Variants in TMEM131L observed in about 807,000 individuals in gnomAD.
TMEM131L encodes transmembrane protein 131-like.
A neutral mutation model predicts 192.2 loss-of-function variants in TMEM131L; 54 were observed. The ratio of observed to expected loss-of-function variants is 0.28; its 90% CI spans 0.23 to 0.35. The LOEUF (loss-of-function observed/expected upper bound fraction) is 0.35. Ranked by LOEUF, TMEM131L falls within the 10% of genes least tolerant of loss-of-function variation. The pLI is 1.00. For missense variants in TMEM131L, 1,888 were observed against 1,972.9 expected (o/e 0.96, Z 0.82); for synonymous variants, 701 against 704.9 (o/e 0.99, Z 0.09).
intron 31 of TMEM131L, among the ~76,000 whole-genome samples, chr4:153,630,103 C>T: frequency 6.6e-6 from 1 of 152,168 alleles, no homozygotes; most frequent in East Asian, 1.9e-4. Flanking sequence ...TCATAAGAAG[C>T]ACAGAAACCT....
intron 7 of TMEM131L, among the ~76,000 whole-genome samples, chr4:153,566,387 A>G (rs375135240): frequency 5.9e-5 from 9 of 152,202 alleles, no homozygotes; most frequent in East Asian, 1.9e-4. Context: ...CGCCCGCCTC[A>G]GCCTCTCAAA....
At chr4:153,573,995 G>A (rs1372812574) in intron 7 of TMEM131L, among the ~76,000 whole-genome samples, 3 of 152,186 alleles carry the variant, frequency 2.0e-5, no homozygotes, top group African/African-American at 7.2e-5. Flanking sequence ...ATCTCATTTA[G>A]CACCCATCAT....
At chr4:153,506,198 AT>A (rs1477377202) in intron 3 of TMEM131L, among the ~76,000 whole-genome samples, 2 of 152,242 alleles carry the variant, frequency 1.3e-5, no homozygotes, top group Non-Finnish European at 2.9e-5. Context: ...GTAACCCAGA[AT>A]TATAAACTCT....
At chr4:153,483,581 G>T (rs1732097315) in intron 3 of TMEM131L, among the ~76,000 whole-genome samples, 1 of 152,106 alleles carries the variant, frequency 6.6e-6, no homozygotes, top group Non-Finnish European at 1.5e-5. Flanking sequence ...GCACCTATAG[G>T]CCCAGCTACT....
Position 153,603,974 on chromosome 4 carries a change from C to T in TMEM131L, c.2962C>T (p.His988Tyr), listed in dbSNP as rs1458176004. Residue 988 changes from histidine (H) to tyrosine (Y), a missense_variant, in exon 25 of 35, where the codon CAC becomes TAC. Physicochemically the swap from His to Tyr is moderately conservative, Grantham distance 83. Coordinates refer to ENST00000409959, the MANE Select transcript of TMEM131L (RefSeq NM_001131007.2). ...CAAATGCTCAGTGTATTACAGTAAA[C>T]ACAAAACCAGCACAGCTGCGGCCAG... ...KHKCSVYYSK[H>Y]KTSTAAASST... 6.2e-7 allele frequency: 1 copy of T among 1,613,914 alleles called. No homozygotes were observed. Among genetic ancestry groups the T allele is most frequent in the Non-Finnish European group, 8.5e-7 (1 of 1,180,010 alleles).
At chr4:153,568,700 A>C (rs1452480883) in intron 7 of TMEM131L, among the ~76,000 whole-genome samples, 1 of 152,236 alleles carries the variant, frequency 6.6e-6, no homozygotes, top group Non-Finnish European at 1.5e-5. Flanking sequence ...GATATGACAC[A>C]CAGACTTTCC....
intron 19 of TMEM131L, among the ~76,000 whole-genome samples, chr4:153,595,714 C>CAAA (rs554812612): frequency 3.8e-5 from 3 of 79,886 alleles, no homozygotes; most frequent in Admixed American, 1.1e-4. Context: ...AGTTTTATGC[C>CAAA]AAAAAAAAAA....
At chr4:153,499,949 T>C (rs903482864) in intron 3 of TMEM131L, among the ~76,000 whole-genome samples, 1 of 151,348 alleles carries the variant, frequency 6.6e-6, no homozygotes, top group Non-Finnish European at 1.5e-5. Flanking sequence ...TGGTTTTACC[T>C]AAATTTTTTT....
chr4:153,631,726 A>G (rs1401758485), intron 31 of TMEM131L, among the ~76,000 whole-genome samples: 1 of 152,216 alleles, frequency 6.6e-6, no homozygotes, highest in Non-Finnish European at 1.5e-5. Context: ...ACCTTCCAGT[A>G]GCTTCAAAGT....
chr4:153,504,266 C>CTTTTTTTTTTTT (rs531620464), intron 3 of TMEM131L, among the ~76,000 whole-genome samples: 2 of 42,630 alleles, frequency 4.7e-5, no homozygotes, highest in East Asian at 4.9e-4. Context: ...CGCGGTCGGC[C>CTTTTTTTTTTTT]TTTTTTTTTT....
In TMEM131L at chr4:153,635,421, A is replaced by G; in HGVS notation, c.4418-11A>G. ...TGTTTACCTATGATGATATTCTCCCATTCTTTGTAGAAAACATGAACTATG... is the reference window on the plus strand; with the variant it reads ...TGTTTACCTATGATGATATTCTCCCGTTCTTTGTAGAAAACATGAACTATG... On this transcript the variant is annotated splice_polypyrimidine_tract_variant and intron_variant, in intron 33 of 34. Coordinates refer to ENST00000409959, the MANE Select transcript of TMEM131L (RefSeq NM_001131007.2). The G allele has an allele frequency of 1.9e-6, 3 of 1,613,272 alleles. No individual in the cohort carries two copies. The highest frequency in any genetic ancestry group is 1.1e-5 in the South Asian group (1 of 90,990).
At chr4:153,607,627 A>T (rs1732327881) in intron 25 of TMEM131L, among the ~76,000 whole-genome samples, 1 of 152,216 alleles carries the variant, frequency 6.6e-6, no homozygotes. Flanking sequence ...AGGTGGGGAC[A>T]GTCCCGCCTC....
In TMEM131L at chr4:153,467,203, T is replaced by C; in HGVS notation, c.125-8T>C. On this transcript the variant is annotated splice_region_variant and splice_polypyrimidine_tract_variant and intron_variant, in intron 1 of 34. Transcript: ENST00000409959. ...AAAAACGTGGTGTATTTTTTGGTGT[T>C]CCTGCAGCGATTGAGCCGTTGCCGA... is the stretch of plus-strand genomic sequence containing the variant. The C allele has an allele frequency of 5.8e-6, 9 of 1,551,678 alleles. No homozygotes were observed. The highest frequency in any genetic ancestry group is 7.8e-6 in the Non-Finnish European group (9 of 1,146,942).
chr4:153,510,530 G>A (rs1343857058), intron 3 of TMEM131L, among the ~76,000 whole-genome samples: 1 of 152,130 alleles, frequency 6.6e-6, no homozygotes, highest in Non-Finnish European at 1.5e-5. Context: ...TGCTGGGAAA[G>A]TGAGTGACTC....
rs753169060 is a variant in TMEM131L at position 153,623,078 on chromosome 4, C to T, written c.4040C>T (p.Pro1347Leu). ...KPMVDAQHFLPAGDSVSQNDF... is the reference protein window; with the variant it reads ...KPMVDAQHFLLAGDSVSQNDF... ...ATGGTGGACGCCCAGCACTTCCTGCCGGCCGGTGAGTCCTGAGCAGAGCCC... is the reference window on the plus strand; with the variant it reads ...ATGGTGGACGCCCAGCACTTCCTGCTGGCCGGTGAGTCCTGAGCAGAGCCC... The change falls in exon 29 of 35, where the codon CCG becomes CTG. Residue 1347 changes from proline (P) to leucine (L), a missense_variant. Pro to Leu is a moderately conservative substitution (Grantham distance 98, BLOSUM62 -3). Coordinates refer to ENST00000409959, the MANE Select transcript of TMEM131L (RefSeq NM_001131007.2). 2.5e-5 allele frequency: 40 copies of T among 1,599,148 alleles called. No homozygotes were observed. Among genetic ancestry groups the T allele is most frequent in the South Asian group, 5.6e-5 (5 of 88,498 alleles).
intron 18 of TMEM131L, among the ~76,000 whole-genome samples, chr4:153,593,336 G>T (rs1482921968): frequency 6.6e-6 from 1 of 152,158 alleles, no homozygotes; most frequent in Non-Finnish European, 1.5e-5. Context: ...GAGCCATCTT[G>T]TGTGTTGAAG....
intron 25 of TMEM131L, 50 bp downstream of exon 25, chr4:153,604,480 G>A (rs1381115363): frequency 4.0e-6 from 6 of 1,506,872 alleles, no homozygotes; most frequent in Middle Eastern, 1.8e-4. Context: ...TACCCAGTCT[G>A]TTTTTAATGG....
At chr4:153,600,985 C>T (rs185066992) in intron 21 of TMEM131L, among the ~76,000 whole-genome samples, 1 of 151,996 alleles carries the variant, frequency 6.6e-6, no homozygotes, top group East Asian at 1.9e-4. Context: ...TGGCACATGC[C>T]TGTAATCCCA....
At chr4:153,573,999 C>G (rs549194026) in intron 7 of TMEM131L, among the ~76,000 whole-genome samples, 1 of 152,222 alleles carries the variant, frequency 6.6e-6, no homozygotes, top group African/African-American at 2.4e-5. Flanking sequence ...CATTTAGCAC[C>G]CATCATATTG....
Sources: allele counts gnomAD v4.1 joint callset (sites outside exome capture counted in the v4.1 genomes callset), GRCh38; gene constraint gnomAD v4.1.1; transcripts MANE v1.5; gene names NCBI Gene and HGNC (gene_info 2026-07-23, HGNC 2026-07-21).